Variants in NELFCD observed in about 807,000 individuals in gnomAD.
NELFCD encodes negative elongation factor complex member C/D, also known as negative elongation factor C/D.
NELFCD carries 48 observed loss-of-function variants against 72.9 expected under a neutral mutation model. The observed-to-expected ratio is 0.66, with a 90% CI of 0.52 to 0.84. NELFCD has a LOEUF of 0.84. Ranked by LOEUF, NELFCD falls within the 40% of genes least tolerant of loss-of-function variation. NELFCD has a pLI of 0.00. For missense variants in NELFCD, 538 were observed against 723.8 expected (o/e 0.74, Z 2.94); for synonymous variants, 297 against 280.6 (o/e 1.06, Z -0.59).
intron 1 of NELFCD, among the ~76,000 whole-genome samples, chr20:58,982,480 C>A (rs985018618): frequency 2.0e-5 from 3 of 152,142 alleles, no homozygotes; most frequent in African/African-American, 7.2e-5. Context: ...TTTTTAACAA[C>A]AATCAAGATT....
chr20:58,991,136 CTTGTCTGA>C (rs2091813527), intron 8 of NELFCD, 61 bp downstream of exon 8: 1 of 1,583,890 alleles, frequency 6.3e-7, no homozygotes, highest in African/African-American at 1.3e-5. Context: ...AAAGTCTGTG[CTTGTCTGA>C]TTGTCTGAAG....
chr20:58,987,708 G>A lies in NELFCD; in HGVS notation c.287G>A (p.Gly96Asp). The A allele has an allele frequency of 6.2e-7, 1 of 1,613,384 alleles. No homozygotes were observed. Among genetic ancestry groups the A allele is most frequent in the Non-Finnish European group, 8.5e-7 (1 of 1,179,410 alleles). ...NLLAEWLIQTGVEPVQVQETV... is the reference protein window; with the variant it reads ...NLLAEWLIQTDVEPVQVQETV... Reference sequence around the variant, plus strand: ...TCTAGTTGCTTTTATTCTCTTTCAGGTGTTGAGCCAGTGCAGGTTCAGGAA... The same window carrying A: ...TCTAGTTGCTTTTATTCTCTTTCAGATGTTGAGCCAGTGCAGGTTCAGGAA... The change falls in exon 4 of 15, where the codon GGT becomes GAT. Residue 96 changes from glycine (G) to aspartate (D), a missense_variant and splice_region_variant. Gly to Asp is a moderately conservative substitution (Grantham distance 94). Around this residue, in one of 3 missense-constraint regions of NELFCD, gnomAD observed 355 missense variants for 534.5 expected, o/e 0.66. Coordinates refer to ENST00000652272, the MANE Select transcript of NELFCD (RefSeq NM_198976.4).
Position 58,989,948 on chromosome 20 carries a change from C to G in NELFCD, c.748C>G (p.Arg250Gly). 6.2e-7 allele frequency: 1 copy of G among 1,613,902 alleles called. No homozygotes were observed. Among genetic ancestry groups the G allele is most frequent in the Non-Finnish European group, 8.5e-7 (1 of 1,180,028 alleles). The change falls in exon 7 of 15, where the codon CGC (arginine) becomes GGC (glycine). Residue 250 changes from arginine to glycine, a missense_variant. Physicochemically the swap from Arg to Gly is moderately radical, Grantham distance 125. Transcript: ENST00000652272. ...GGAGGAGCAGGGGGGCTCCGCTGTG[C>G]GCAGGATCGCCCAGGAAGTGCAGCG... Reference protein sequence around the residue: ...AQEEQGGSAVRRIAQEVQRFA... With the variant: ...AQEEQGGSAVGRIAQEVQRFA...
Position 58,989,652 on chromosome 20 carries a change from C to G in NELFCD, c.657+12C>G. 2 of 1,614,164 alleles carry G rather than the reference C, an allele frequency of 1.2e-6. No individual in the cohort carries two copies. Among genetic ancestry groups the G allele is most frequent in the Non-Finnish European group, 1.7e-6 (2 of 1,179,996 alleles). On this transcript the variant is annotated intron_variant, in intron 6 of 14. Transcript: ENST00000652272. Reference sequence around the variant, plus strand: ...TCCCTGAGTTTGCCGTAAGTTCTTTCTTTATGAACCTCAGATTAGAAGGAG... The same window carrying G: ...TCCCTGAGTTTGCCGTAAGTTCTTTGTTTATGAACCTCAGATTAGAAGGAG...
At chr20:58,982,910 AC>A (rs2091746167) in intron 1 of NELFCD, among the ~76,000 whole-genome samples, 1 of 152,078 alleles carries the variant, frequency 6.6e-6, no homozygotes. Flanking sequence ...GTTGGGTGTT[AC>A]CCTACTTATC....
Position 58,994,253 on chromosome 20 carries a change from C to A in NELFCD, c.1711+14C>A. On this transcript the variant is annotated intron_variant, in intron 14 of 14. Transcript: ENST00000652272. Reference sequence around the variant, plus strand: ...CGGAGTTTATAGGTGAGGCCGACTGCCTAGCCCTTTACTACAATAGAAAAT... The same window carrying A: ...CGGAGTTTATAGGTGAGGCCGACTGACTAGCCCTTTACTACAATAGAAAAT... 1.2e-6 allele frequency: 2 copies of A among 1,613,114 alleles called. No homozygotes were observed. The highest frequency in any genetic ancestry group is 1.7e-6 in the Non-Finnish European group (2 of 1,179,320).
Position 58,993,665 on chromosome 20 carries a change from G to A in NELFCD, c.1482G>A (p.Leu494=), listed in dbSNP as rs374913633. The A allele has an allele frequency of 2.8e-5, 45 of 1,614,238 alleles. No individual in the cohort carries two copies. Among genetic ancestry groups the A allele is most frequent in the Middle Eastern group, 3.3e-4 (2 of 6,062 alleles). ...KKTLLDRMVH[L]LSRGYVLPVV... ...CACTGCTGGACAGGATGGTTCACCT[G>A]CTGAGTCGAGGTTATGTACTTCCTG... The change falls in exon 13 of 15, where the codon CTG becomes CTA. Residue 494 remains leucine, a synonymous_variant. Transcript: ENST00000652272. This position sits in a 1 kb window ranked among gnomAD's most constrained non-coding sequence, Gnocchi z 5.0.
rs771559225 is a variant in NELFCD at position 58,993,025 on chromosome 20, G to A, written c.1257G>A (p.Leu419=). The A allele has an allele frequency of 6.2e-7, 1 of 1,614,146 alleles. No homozygotes were observed. The highest frequency in any genetic ancestry group is 8.5e-7 in the Non-Finnish European group (1 of 1,180,000). ...IRFPVVAMGV[L]KWVDWTVSEP... ...TTCCAGTGGTAGCAATGGGTGTGCT[G>A]AAGTGGGTGGATTGGACTGTATCAG... Residue 419 remains leucine, a synonymous_variant, in exon 11 of 15, where the codon CTG becomes CTA. Transcript: ENST00000652272. This position sits in a 1 kb window ranked among gnomAD's most constrained non-coding sequence, Gnocchi z 5.0.
At position 58,986,874 on chromosome 20, in the gene NELFCD, G is replaced by A. The variant is rs769402275; in HGVS notation, c.286+11G>A. ...GGCTCATTCAGACAGGTGCTTTGTG[G>A]GTGTCCCCTGTCCTGGCTAGTTACC... On this transcript the variant is annotated intron_variant, in intron 3 of 14. Coordinates refer to ENST00000652272, the MANE Select transcript of NELFCD (RefSeq NM_198976.4). The surrounding 1 kb of genome is among the most constrained non-coding windows in gnomAD (Gnocchi z 4.4). 2 of 1,589,590 alleles carry A rather than the reference G, an allele frequency of 1.3e-6. No individual in the cohort carries two copies. Among genetic ancestry groups the A allele is most frequent in the Non-Finnish European group, 1.7e-6 (2 of 1,158,578 alleles).
Position 58,984,322 on chromosome 20 carries a change from A to G in NELFCD, c.61-1771A>G, listed in dbSNP as rs1429072944. On this transcript the variant is annotated intron_variant, in intron 1 of 14. Coordinates refer to ENST00000652272, the MANE Select transcript of NELFCD (RefSeq NM_198976.4). The stretch of plus-strand genomic sequence containing the variant: ...AATCTTTAAGCAGGAGAGAGACGTC[A>G]GTTTTGTGGCTTACAAAGATCACTG... Among the ~76,000 whole-genome samples the G allele has an allele frequency of 8.5e-5, 13 of 152,212 alleles. No individual in the cohort carries two copies. In the East Asian group the frequency reaches 2.5e-3, roughly 29 times the overall value.
chr20:58,994,886 C>T lies in NELFCD; in HGVS notation c.*210C>T. 1 of 570,926 alleles carries T rather than the reference C, an allele frequency of 1.8e-6. No individual in the cohort carries two copies. The highest frequency in any genetic ancestry group is 3.1e-6 in the Non-Finnish European group (1 of 319,874). The allele number at this position is 570,926 out of a possible 1,614,324, so 35.4% of individuals were successfully genotyped here. ...TCCCTTCTCTGCTGTCAATCCAATA[C>T]TGCTCCCAAATCCTGTTTTCAGTGT... On this transcript the variant is annotated 3_prime_UTR_variant, in exon 15 of 15. Transcript: ENST00000652272.
Position 58,989,876 on chromosome 20 carries a change from G to T in NELFCD, c.676G>T (p.Glu226Ter), listed in dbSNP as rs368991410. 1 of 1,614,100 alleles carries T rather than the reference G, an allele frequency of 6.2e-7. No homozygotes were observed. The highest frequency in any genetic ancestry group is 1.3e-5 in the African/African-American group (1 of 74,940). ...CTTGCAGAAGATGGTGTGCCACGGGGAGCACACGTACCTGTTTGCCCAGGC... is the reference window on the plus strand; with the variant it reads ...CTTGCAGAAGATGGTGTGCCACGGGTAGCACACGTACCTGTTTGCCCAGGC... Reference protein sequence around the residue: ...PEFAKMVCHGEHTYLFAQAMM... With the variant: ...PEFAKMVCHG The change falls in exon 7 of 15, where the codon GAG (glutamate) becomes TAG (stop). Residue 226 changes from glutamate to a stop codon, truncating the protein, a stop_gained. Transcript: ENST00000652272. LOFTEE classifies it high-confidence loss of function.
rs754458188 is a variant in NELFCD, at chr20:58,989,470, T to C, written c.505-18T>C. The C allele has an allele frequency of 1.4e-5, 22 of 1,611,116 alleles. No individual in the cohort carries two copies. The highest frequency in any genetic ancestry group is 1.9e-5 in the Non-Finnish European group (22 of 1,177,580). On this transcript the variant is annotated intron_variant, in intron 5 of 14. Coordinates refer to ENST00000652272, the MANE Select transcript of NELFCD (RefSeq NM_198976.4). ...GTCACTGCATGCCTCCCCTCTGACT[T>C]CTTGTTTTGTGTCCTAGCTTATTTC...
chr20:58,981,404 T>A lies in NELFCD; in HGVS notation c.60+35T>A, dbSNP rs781165374. On this transcript the variant is annotated intron_variant, in intron 1 of 14. Coordinates refer to ENST00000652272, the MANE Select transcript of NELFCD (RefSeq NM_198976.4). ...GGCACTGGGCGCACCCTAGAGAGAA[T>A]CGTTCGTCTCCGCCGCCGGCGGGCC... The A allele has an allele frequency of 8.0e-5, 77 of 962,990 alleles. 2 individuals carry two copies. In the South Asian group the frequency reaches 3.1e-3, roughly 39 times the overall value. The allele number at this position is 962,990 out of a possible 1,614,324, so 59.7% of individuals were successfully genotyped here.
intron 1 of NELFCD, among the ~76,000 whole-genome samples, chr20:58,984,810 G>A (rs1180505117): frequency 6.6e-6 from 1 of 152,192 alleles, no homozygotes; most frequent in Non-Finnish European, 1.5e-5. Flanking sequence ...CCCAAGAGGT[G>A]GTGGAAGAGG....
chr20:58,994,330 A>G (rs1176345392), intron 14 of NELFCD, 91 bp downstream of exon 14: 11 of 1,384,306 alleles, frequency 7.9e-6, no homozygotes, highest in Non-Finnish European at 1.1e-5. Flanking sequence ...TTGGGAGGCC[A>G]AGGTGGGTGG....
rs377442330 is a variant in NELFCD, at chr20:58,992,051, A to C, written c.1229+31A>C. ...CAAAACGAAACTCAGTTCTTAAATC[A>C]GTCCTTTGGGGAGGAGGTCGTTTGA... On this transcript the variant is annotated intron_variant, in intron 10 of 14. Transcript: ENST00000652272. 4.3e-4 allele frequency: 672 copies of C among 1,575,976 alleles called. 7 individuals are homozygous for C. The South Asian group carries it at 5.3e-3, about 12-fold the overall frequency.
chr20:58,982,140 A>ATTTTTTTT (rs751696443), intron 1 of NELFCD, among the ~76,000 whole-genome samples: 2 of 68,360 alleles, frequency 2.9e-5, no homozygotes, highest in African/African-American at 5.2e-5. Context: ...GGGAACTTGC[A>ATTTTTTTT]TTTTTTTTTT....
Position 58,986,297 on chromosome 20 carries a change from A to C in NELFCD, c.176+89A>C. On this transcript the variant is annotated intron_variant, in intron 2 of 14. Transcript: ENST00000652272. The surrounding 1 kb of genome is among the most constrained non-coding windows in gnomAD (Gnocchi z 4.4). ...ACACCCAGAAGGTGCTATGTAAAGC[A>C]AGAGTAACGCGAACTGAACTAAAGG... is the stretch of plus-strand genomic sequence containing the variant. 1 of 874,266 alleles carries C rather than the reference A, an allele frequency of 1.1e-6. No individual in the cohort carries two copies. The highest frequency in any genetic ancestry group is 1.9e-6 in the Non-Finnish European group (1 of 524,306). 54.2% of individuals were successfully genotyped at this position (874,266 alleles called of 1,614,324 possible).
Sources: gnomAD v4.1 joint callset for allele counts (sites outside exome capture counted in the v4.1 genomes callset) on GRCh38, gnomAD v4.1.1 for gene constraint, gnomAD v4.1.1 regional missense constraint, Gnocchi (gnomAD v3.1) non-coding constraint, MANE v1.5 for transcripts, NCBI Gene and HGNC (gene_info 2026-07-23, HGNC 2026-07-21) for gene names.